Variants in ATOSA observed in about 807,000 individuals in gnomAD.
ATOSA encodes atos homolog protein A.
the ATOSA span, chr15:52,610,018 T>C: frequency 1.2e-6 from 2 of 1,613,918 alleles, no homozygotes; most frequent in Non-Finnish European, 1.7e-6. Context: ...TGGATATAGT[T>C]TGATATTTTT....
At chr15:52,602,013 T>C in the ATOSA span, among the ~76,000 whole-genome samples, 1 of 152,228 alleles carries the variant, frequency 6.6e-6, no homozygotes, top group Non-Finnish European at 1.5e-5. Flanking sequence ...ATTTCTAATA[T>C]TGCATTTTCT....
At chr15:52,694,378 C>A in the ATOSA span, among the ~76,000 whole-genome samples, 2 of 152,106 alleles carry the variant, frequency 1.3e-5, no homozygotes, top group Non-Finnish European at 2.9e-5. Flanking sequence ...GTTGAACAGG[C>A]TGGTCTCGAA....
At chr15:52,633,923 A>G in the ATOSA span, among the ~76,000 whole-genome samples, 1 of 152,184 alleles carries the variant, frequency 6.6e-6, no homozygotes, top group Non-Finnish European at 1.5e-5. Flanking sequence ...ATGCATAACA[A>G]TAGCATAAAG....
the ATOSA span, chr15:52,593,747 A>G: frequency 9.9e-6 from 15 of 1,518,628 alleles, no homozygotes; most frequent in African/African-American, 2.0e-4. Flanking sequence ...CTGGAAGACA[A>G]AATAATTTTA....
At chr15:52,586,416 A>T in the ATOSA span, 1 of 152,246 alleles carries the variant, frequency 6.6e-6, no homozygotes, top group Non-Finnish European at 1.5e-5. Flanking sequence ...AGGTCATACA[A>T]AGGCTTGTTG....
the ATOSA span, chr15:52,611,043 T>C: frequency 7.2e-7 from 1 of 1,392,876 alleles, no homozygotes. Flanking sequence ...TTGCAGGAAA[T>C]AATCTATTTA....
chr15:52,585,583 C>T, the ATOSA span, among the ~76,000 whole-genome samples: 5 of 152,162 alleles, frequency 3.3e-5, no homozygotes, highest in African/African-American at 1.2e-4. Context: ...ACTTCATTTA[C>T]TCATACATGG....
the ATOSA span, among the ~76,000 whole-genome samples, chr15:52,680,248 A>C: frequency 2.0e-5 from 3 of 152,280 alleles, no homozygotes; most frequent in South Asian, 2.1e-4. Context: ...TTAAAAAAAA[A>C]CCCAATCCTA....
At chr15:52,624,519 C>A in the ATOSA span, among the ~76,000 whole-genome samples, 1 of 152,110 alleles carries the variant, frequency 6.6e-6, no homozygotes, top group Non-Finnish European at 1.5e-5. Flanking sequence ...TAACTTCAGC[C>A]AAACTTCTCC....
At chr15:52,583,056 G>T in the ATOSA span, among the ~76,000 whole-genome samples, 1 of 152,160 alleles carries the variant, frequency 6.6e-6, no homozygotes, top group Non-Finnish European at 1.5e-5. Context: ...GAAAGATGTG[G>T]TGGTTACAGC....
At chr15:52,657,938 C>T in the ATOSA span, 6 of 152,024 alleles carry the variant, frequency 3.9e-5, no homozygotes, top group Admixed American at 6.6e-5. Flanking sequence ...GGGCAGGGGT[C>T]GATAGGGATG....
the ATOSA span, among the ~76,000 whole-genome samples, chr15:52,607,203 G>A: frequency 6.6e-6 from 1 of 152,144 alleles, no homozygotes; most frequent in East Asian, 1.9e-4. Context: ...TAGAACTCAG[G>A]TGTTTTGACC....
At chr15:52,644,792 A>G in the ATOSA span, among the ~76,000 whole-genome samples, 21 of 152,292 alleles carry the variant, frequency 1.4e-4, no homozygotes, top group African/African-American at 4.6e-4. Flanking sequence ...AAGGGCAAAA[A>G]TTGTCAAAAA....
chr15:52,601,191 T>A, the ATOSA span: 1 of 1,437,740 alleles, frequency 7.0e-7, no homozygotes, highest in Non-Finnish European at 9.3e-7. Context: ...TCATTTGTGA[T>A]ATTAAAAAAA....
the ATOSA span, chr15:52,656,924 A>G: frequency 6.6e-6 from 1 of 152,126 alleles, no homozygotes; most frequent in Non-Finnish European, 1.5e-5. Flanking sequence ...ATCTCCTGCT[A>G]TTACAAAGAA....
the ATOSA span, among the ~76,000 whole-genome samples, chr15:52,604,459 A>G: frequency 2.0e-5 from 3 of 152,262 alleles, no homozygotes; most frequent in Admixed American, 6.5e-5. Context: ...CGTTTGTGGC[A>G]AATTACACGG....
chr15:52,676,420 G>A, the ATOSA span, among the ~76,000 whole-genome samples: 1 of 152,036 alleles, frequency 6.6e-6, no homozygotes, highest in Non-Finnish European at 1.5e-5. Context: ...ACATTACATT[G>A]CGCACAGTAA....
chr15:52,600,091 A>C, the ATOSA span: 1 of 1,176,412 alleles, frequency 8.5e-7, no homozygotes, highest in South Asian at 1.3e-5. Flanking sequence ...TAGGGTATAA[A>C]ATTTTCATTT....
At chr15:52,649,143 A>G in the ATOSA span, among the ~76,000 whole-genome samples, 3 of 152,178 alleles carry the variant, frequency 2.0e-5, no homozygotes, top group Non-Finnish European at 4.4e-5. Flanking sequence ...CAGTTTATGC[A>G]AAAACACTGT....
Sources: allele counts gnomAD v4.1 joint callset (sites outside exome capture counted in the v4.1 genomes callset), GRCh38; gene constraint gnomAD v4.1.1; transcripts MANE v1.5; gene names NCBI Gene and HGNC (gene_info 2026-07-23, HGNC 2026-07-21).